Variants in TTC7B observed in about 807,000 individuals in gnomAD.
The protein encoded by TTC7B is tetratricopeptide repeat protein 7B.
Under a neutral mutation model 106.8 loss-of-function variants are expected in TTC7B, and 28 were observed. That is an observed-to-expected ratio of 0.26 (90% confidence interval 0.19 to 0.36). The LOEUF (loss-of-function observed/expected upper bound fraction) is 0.36. TTC7B is among the 10% of genes least tolerant of loss of function. The pLI, the probability that TTC7B is intolerant of heterozygous loss-of-function variation, is 1.00. For missense variants in TTC7B, 862 were observed against 1,076.4 expected, an observed-to-expected ratio of 0.80 and a Z score of 2.79; for synonymous variants, 405 against 430.6, an observed-to-expected ratio of 0.94 and a Z score of 0.74.
At chr14:90,602,155 A>G in intron 17 of TTC7B, 1 of 456,106 alleles carries the variant, frequency 2.2e-6, no homozygotes, top group Non-Finnish European at 4.4e-6. Flanking sequence ...CTGGATCCCC[A>G]TATCCACCAG....
chr14:90,793,524 CAAAA>C (rs199770166), intron 1 of TTC7B, among the ~76,000 whole-genome samples: 1 of 128,522 alleles, frequency 7.8e-6, no homozygotes, highest in Non-Finnish European at 1.6e-5. Flanking sequence ...GACTCTGTCT[CAAAA>C]AAAAAAAAAA....
At chr14:90,644,255 ACG>A (rs371942362) in intron 14 of TTC7B, 47 bp from the exon 15 acceptor site, 21 of 1,372,276 alleles carry the variant, frequency 1.5e-5, no homozygotes, top group Middle Eastern at 2.5e-4. Context: ...ACACATGCAC[ACG>A]CACACACACA....
chr14:90,712,856 C>T (rs1400282678), intron 5 of TTC7B, among the ~76,000 whole-genome samples: 1 of 151,972 alleles, frequency 6.6e-6, no homozygotes, highest in East Asian at 1.9e-4. Flanking sequence ...CTTATACTAC[C>T]TAATTTCAAA....
intron 5 of TTC7B, among the ~76,000 whole-genome samples, chr14:90,702,522 C>T (rs1888033709): frequency 6.6e-6 from 1 of 151,842 alleles, no homozygotes; most frequent in Non-Finnish European, 1.5e-5. Flanking sequence ...AAAACTCTAT[C>T]ATTGTTTTAA....
Position 90,526,219 on chromosome 14 carries a change from T to A in TTC7B, c.*15149A>T, listed in dbSNP as rs1889147778. 1 of 152,226 alleles carries A rather than the reference T, an allele frequency of 6.6e-6. No homozygotes were observed. The highest frequency in any genetic ancestry group is 6.5e-5 in the Admixed American group (1 of 15,288). The allele number at this position is 152,226 out of a possible 1,614,324, so 9.4% of individuals were successfully genotyped here. On this transcript the variant is annotated 3_prime_UTR_variant, in exon 20 of 20. Transcript: ENST00000328459. ...TTGTCTGTCTTTTTGATTATAGACA[T>A]CCTAGTGGGTGTAAGGTGGTATCTC...
In TTC7B at chr14:90,802,589, A is replaced by T. The variant is rs1211122265; in HGVS notation, c.121+13586T>A. Among the ~76,000 whole-genome samples the T allele has an allele frequency of 1.3e-5, 2 of 152,150 alleles. No homozygotes were observed. The highest frequency in any genetic ancestry group is 4.8e-5 in the African/African-American group (2 of 41,432). ...GGCAAGGTCATGAGCTAGGCATGAG[A>T]GGGTGGCTTTCAAAGGAAGGGAGGG... On this transcript the variant is annotated intron_variant, in intron 1 of 19. Coordinates refer to ENST00000328459, the MANE Select transcript of TTC7B (RefSeq NM_001010854.2). This position sits in a 1 kb window ranked among gnomAD's most constrained non-coding sequence, Gnocchi z 4.7.
intron 19 of TTC7B, among the ~76,000 whole-genome samples, chr14:90,562,244 G>A (rs912235712): frequency 1.3e-5 from 2 of 152,084 alleles, no homozygotes; most frequent in African/African-American, 4.8e-5. Flanking sequence ...CCCTCCCTCT[G>A]TGTCCCCTCA....
Position 90,797,842 on chromosome 14 carries a change from T to C in TTC7B, c.122-11514A>G, listed in dbSNP as rs139111841. Among the ~76,000 whole-genome samples the C allele has an allele frequency of 7.2e-3, 1,090 of 152,196 alleles. 19 individuals are homozygous for C. Among genetic ancestry groups the C allele is most frequent in the African/African-American group, 0.025 (1,046 of 41,528 alleles). On this transcript the variant is annotated intron_variant, in intron 1 of 19. Transcript: ENST00000328459. ...CCTATAAGGTCCTTGACAGGATACC[T>C]GTTAACTGAGTTATGGTGCACCCCA...
At chr14:90,670,311 A>G (rs748183035) in intron 9 of TTC7B, among the ~76,000 whole-genome samples, 2 of 152,200 alleles carry the variant, frequency 1.3e-5, no homozygotes, top group African/African-American at 2.4e-5. Context: ...CAAATTCATA[A>G]AGACAAAAAT....
At chr14:90,739,547 G>A (rs1219840692) in intron 4 of TTC7B, among the ~76,000 whole-genome samples, 3 of 152,232 alleles carry the variant, frequency 2.0e-5, no homozygotes, top group African/African-American at 7.2e-5. Flanking sequence ...GGCATGGCCA[G>A]GCTGCCAGTG....
At position 90,532,340 on chromosome 14, in the gene TTC7B, G is replaced by A. The variant is rs1318473373; in HGVS notation, c.*9028C>T. On this transcript the variant is annotated 3_prime_UTR_variant, in exon 20 of 20. Transcript: ENST00000328459. ...TTGATCCCCTATTTGTACATTACAG[G>A]ATGCTCTTCCCTCTTCACATGGTCT... is the stretch of plus-strand genomic sequence containing the variant. 1 of 152,294 alleles carries A rather than the reference G, an allele frequency of 6.6e-6. No homozygotes were observed. The highest frequency in any genetic ancestry group is 2.4e-5 in the African/African-American group (1 of 41,564). 9.4% of individuals were successfully genotyped at this position (152,294 alleles called of 1,614,324 possible).
intron 17 of TTC7B, among the ~76,000 whole-genome samples, chr14:90,607,196 C>A (rs917107663): frequency 6.6e-6 from 1 of 152,116 alleles, no homozygotes; most frequent in Non-Finnish European, 1.5e-5. Context: ...AAATTTAGTT[C>A]TGGGGGAAAA....
intron 15 of TTC7B, among the ~76,000 whole-genome samples, chr14:90,630,439 G>A (rs547245533): frequency 2.0e-5 from 3 of 152,174 alleles, no homozygotes; most frequent in Admixed American, 2.0e-4. Flanking sequence ...AGCCACACAT[G>A]TTAACAAAGG....
rs1250893387 is a variant in TTC7B, at chr14:90,527,653, G to A, written c.*13715C>T. On this transcript the variant is annotated 3_prime_UTR_variant, in exon 20 of 20. Coordinates refer to ENST00000328459, the MANE Select transcript of TTC7B (RefSeq NM_001010854.2). The stretch of plus-strand genomic sequence containing the variant: ...CGGCTCACTGCAAGCTCTGCTTCCC[G>A]GGTTCATGCCATTCTCCTGCCTCAG... 5 of 150,262 alleles carry A rather than the reference G, an allele frequency of 3.3e-5. No individual in the cohort carries two copies. Among genetic ancestry groups the A allele is most frequent in the African/African-American group, 7.4e-5 (3 of 40,672 alleles). 9.3% of individuals were successfully genotyped at this position (150,262 alleles called of 1,614,324 possible).
chr14:90,647,647 A>G (rs1284340251), intron 13 of TTC7B, among the ~76,000 whole-genome samples: 2 of 152,144 alleles, frequency 1.3e-5, no homozygotes, highest in Non-Finnish European at 2.9e-5. Flanking sequence ...CACTAGGCTC[A>G]GTTTTAAGAA....
chr14:90,786,297 C>T lies in TTC7B; in HGVS notation c.153G>A (p.Ser51=), dbSNP rs150435538. ...DDMAELLLGE[S]KLEQYLKEHP... ...GTTCCTTCAGGTACTGCTCCAGCTT[C>T]GACTCCCCGAGGAGAAGCTCTGCCA... Residue 51 remains serine (S), a synonymous_variant, in exon 2 of 20, where the codon TCG becomes TCA. Transcript: ENST00000328459. 9.8e-5 allele frequency: 158 copies of T among 1,613,354 alleles called. 1 individual carries two copies. The African/African-American group carries it at 1.7e-3, about 17-fold the overall frequency.
chr14:90,798,624 T>A (rs2030027612), intron 1 of TTC7B, among the ~76,000 whole-genome samples: 1 of 142,300 alleles, frequency 7.0e-6, no homozygotes, highest in East Asian at 2.1e-4. Context: ...GCAGGAGAAT[T>A]GCTTGAACCT....
chr14:90,558,884 G>A (rs1442746765), intron 19 of TTC7B, among the ~76,000 whole-genome samples: 3 of 152,238 alleles, frequency 2.0e-5, no homozygotes, highest in African/African-American at 7.2e-5. Flanking sequence ...TCAGGCCCAG[G>A]GCTGGAGCAG....
intron 15 of TTC7B, among the ~76,000 whole-genome samples, chr14:90,626,721 C>T (rs1381302456): frequency 6.6e-6 from 1 of 152,208 alleles, no homozygotes; most frequent in African/African-American, 2.4e-5. Flanking sequence ...AGCTGGAAAC[C>T]GTGTCTATAT....
Sources: gnomAD v4.1 joint callset for allele counts (sites outside exome capture counted in the v4.1 genomes callset) on GRCh38, gnomAD v4.1.1 for gene constraint, Gnocchi (gnomAD v3.1) non-coding constraint, MANE v1.5 for transcripts, NCBI Gene and HGNC (gene_info 2026-07-23, HGNC 2026-07-21) for gene names.